Variants in OSTC observed in about 807,000 individuals in gnomAD.
OSTC encodes oligosaccharyltransferase complex non-catalytic subunit.
A neutral mutation model predicts 16.4 loss-of-function variants in OSTC; 16 were observed. The ratio of observed to expected loss-of-function variants is 0.98; its 90% confidence interval spans 0.66 to 1.49. OSTC has a LOEUF of 1.49. Ranked by LOEUF, OSTC falls within the 40% of genes most tolerant of loss-of-function variation. OSTC has a pLI of 0.00. For missense variants in OSTC, 139 were observed against 186.3 expected (o/e 0.75, Z 1.48); for synonymous variants, 67 against 68.5 (o/e 0.98, Z 0.11).
chr4:108,652,443 A>G lies in OSTC; in HGVS notation c.139+1649A>G, dbSNP rs2575652. On this transcript the variant is annotated intron_variant, in intron 1 of 3. Transcript: ENST00000361564. ...TTGTAATGGGGAGATTCTTTGTCCCAACCATTGGGGGAAAGTGGAAAGGTT... is the reference window on the plus strand; with the variant it reads ...TTGTAATGGGGAGATTCTTTGTCCCGACCATTGGGGGAAAGTGGAAAGGTT... Among the ~76,000 whole-genome samples, 55 of 152,178 alleles carry G rather than the reference A, an allele frequency of 3.6e-4. 1 individual carries two copies. In the East Asian group the frequency reaches 0.011, roughly 29 times the overall value.
chr4:108,660,318 T>G (rs980410927), intron 3 of OSTC, among the ~76,000 whole-genome samples: 1 of 152,232 alleles, frequency 6.6e-6, no homozygotes, highest in Non-Finnish European at 1.5e-5. Flanking sequence ...TATGGTTCCC[T>G]TTCTGATATC....
At chr4:108,652,394 C>G (rs1193924007) in intron 1 of OSTC, 1 of 152,090 alleles carries the variant, frequency 6.6e-6, no homozygotes, top group African/African-American at 2.4e-5. Context: ...TTCTTTGTGG[C>G]CCTCTTTTTT....
At chr4:108,650,871 ACT>A (rs1457629243) in intron 1 of OSTC, 77 bp downstream of exon 1, 2 of 1,597,730 alleles carry the variant, frequency 1.3e-6, no homozygotes, top group East Asian at 2.2e-5. Flanking sequence ...TGTTCCGCTG[ACT>A]CTCAGCCCCG....
chr4:108,656,583 TCACA>T (rs56269935), intron 2 of OSTC, among the ~76,000 whole-genome samples: 2 of 151,096 alleles, frequency 1.3e-5, no homozygotes, highest in African/African-American at 4.9e-5. Context: ...CCTAGAAAAA[TCACA>T]CACACACACA....
intron 3 of OSTC, among the ~76,000 whole-genome samples, chr4:108,658,735 T>G (rs1726776093): frequency 6.6e-6 from 1 of 152,142 alleles, no homozygotes; most frequent in Non-Finnish European, 1.5e-5. Context: ...AAACATCAAG[T>G]GTCAACTATA....
At chr4:108,650,876 C>G (rs1726515097) in intron 1 of OSTC, 82 bp downstream of exon 1, 3 of 1,590,272 alleles carry the variant, frequency 1.9e-6, no homozygotes, top group Non-Finnish European at 1.7e-6. Context: ...CGCTGACTCT[C>G]AGCCCCGGGG....
chr4:108,666,594 C>T (rs575734110), intron 3 of OSTC, among the ~76,000 whole-genome samples: 11 of 151,592 alleles, frequency 7.3e-5, no homozygotes, highest in Non-Finnish European at 1.6e-4. Flanking sequence ...ACCTGTAATC[C>T]CAGCTACTTG....
At chr4:108,656,625 A>G (rs1726710189) in intron 2 of OSTC, among the ~76,000 whole-genome samples, 1 of 152,036 alleles carries the variant, frequency 6.6e-6, no homozygotes, top group Non-Finnish European at 1.5e-5. Flanking sequence ...AGGGGTTTGT[A>G]GTTCACTGAA....
intron 1 of OSTC, chr4:108,651,561 G>A (rs1726547119): frequency 6.6e-6 from 1 of 152,164 alleles, no homozygotes. Context: ...CTGGTGAGTT[G>A]GCAATCCGGC....
At chr4:108,654,983 A>G (rs1414109945) in intron 1 of OSTC, among the ~76,000 whole-genome samples, 1 of 152,254 alleles carries the variant, frequency 6.6e-6, no homozygotes. Context: ...TACTAAAGTC[A>G]TTCCTGAGTA....
At chr4:108,655,504 A>G in intron 1 of OSTC, 60 bp from the exon 2 acceptor site, 1 of 1,095,450 alleles carries the variant, frequency 9.1e-7, no homozygotes, top group Non-Finnish European at 1.3e-6. Flanking sequence ...AATGAAAACT[A>G]TAATCCTGTT....
Position 108,667,098 on chromosome 4 carries a change from G to A in OSTC, c.432-149G>A, listed in dbSNP as rs565317972. On this transcript the variant is annotated intron_variant, in intron 3 of 3. Transcript: ENST00000361564. ...GTGAGGGGGGCAAAATATGAAATAA[G>A]GACCATAATAAAGAATCACGCAATT... 19 of 614,140 alleles carry A rather than the reference G, an allele frequency of 3.1e-5. 1 individual carries two copies. The Admixed American group carries it at 4.7e-4, about 15-fold the overall frequency. 38.0% of individuals were successfully genotyped at this position (614,140 alleles called of 1,614,324 possible).
At chr4:108,659,087 T>TCCCG in intron 3 of OSTC, among the ~76,000 whole-genome samples, 1 of 151,822 alleles carries the variant, frequency 6.6e-6, no homozygotes, top group Non-Finnish European at 1.5e-5. Context: ...CAAGAGATTT[T>TCCCG]CCTGCCTCAG....
At chr4:108,655,092 C>CTAT (rs1404197380) in intron 1 of OSTC, among the ~76,000 whole-genome samples, 6 of 152,138 alleles carry the variant, frequency 3.9e-5, no homozygotes, top group African/African-American at 1.4e-4. Context: ...AGTTGAATGT[C>CTAT]TGAATGATTT....
chr4:108,657,720 A>G, intron 3 of OSTC, 73 bp downstream of exon 3: 1 of 1,310,826 alleles, frequency 7.6e-7, no homozygotes, highest in Non-Finnish European at 1.0e-6. Context: ...GTAAAGTCAT[A>G]GGACATTTAA....
intron 1 of OSTC, among the ~76,000 whole-genome samples, chr4:108,654,951 C>T (rs981409989): frequency 1.3e-5 from 2 of 152,146 alleles, no homozygotes; most frequent in African/African-American, 4.8e-5. Flanking sequence ...GAAGTAGAGC[C>T]TTTAGTTTTA....
rs555647412 is a variant in OSTC at position 108,650,630 on chromosome 4, C to A, written c.-26C>A. On this transcript the variant is annotated 5_prime_UTR_variant, in exon 1 of 4. Coordinates refer to ENST00000361564, the MANE Select transcript of OSTC (RefSeq NM_021227.4). Reference sequence around the variant, plus strand: ...CCGGGAGGCGCGTGGGGCTTGAGGCCGAGAACGGCCCTTGCTGCCACCAAC... The same window carrying A: ...CCGGGAGGCGCGTGGGGCTTGAGGCAGAGAACGGCCCTTGCTGCCACCAAC... The A allele has an allele frequency of 1.9e-6, 3 of 1,612,354 alleles. No individual in the cohort carries two copies. Among genetic ancestry groups the A allele is most frequent in the Admixed American group, 1.7e-5 (1 of 59,902 alleles).
At chr4:108,657,790 A>G in intron 3 of OSTC, 143 bp downstream of exon 3, 1 of 721,414 alleles carries the variant, frequency 1.4e-6, no homozygotes, top group Non-Finnish European at 2.2e-6. Flanking sequence ...TAACTTGGTC[A>G]GGTTACAGCT....
chr4:108,663,127 A>G, intron 3 of OSTC: 1 of 438,870 alleles, frequency 2.3e-6, no homozygotes, highest in Non-Finnish European at 4.6e-6. Flanking sequence ...CAGTGTTTTC[A>G]TTCTAAAGAT....
Sources: allele counts gnomAD v4.1 joint callset (sites outside exome capture counted in the v4.1 genomes callset), GRCh38; gene constraint gnomAD v4.1.1; transcripts MANE v1.5; gene names NCBI Gene and HGNC (gene_info 2026-07-23, HGNC 2026-07-21).